The following SLC38A1 variants were observed in gnomAD, a reference collection of about 807,000 sequenced individuals.
SLC38A1 encodes the protein sodium-coupled neutral amino acid symporter 1.
Under a neutral mutation model 60.3 loss-of-function variants are expected in SLC38A1, and 18 were observed. The observed-to-expected ratio is 0.30, with a 90% CI of 0.21 to 0.44. SLC38A1 has a LOEUF of 0.44. Among genes scored for constraint, SLC38A1 ranks in the 20% least tolerant of loss-of-function variants. SLC38A1 has a pLI of 1.00. For synonymous variants in SLC38A1, 196 were observed against 212.1 expected (o/e 0.92, Z 0.66); for missense variants, 448 against 587.2 (o/e 0.76, Z 2.45).
intron 15 of SLC38A1, 50 bp downstream of exon 15, chr12:46,197,869 C>T: frequency 6.2e-7 from 1 of 1,604,326 alleles, no homozygotes; most frequent in Non-Finnish European, 8.5e-7. Flanking sequence ...TGAAAATTTC[C>T]CTGCAAACAG....
At chr12:46,201,548 T>C (rs1939660809) in intron 12 of SLC38A1, among the ~76,000 whole-genome samples, 1 of 152,126 alleles carries the variant, frequency 6.6e-6, no homozygotes, top group East Asian at 1.9e-4. Flanking sequence ...TCAATGCTGT[T>C]CTCCTAGCTC....
Position 46,184,308 on chromosome 12 carries a change from GATTCTC to G in SLC38A1, c.*4656_*4661del, listed in dbSNP as rs1168808373. 1 of 152,132 alleles carries G rather than the reference GATTCTC, an allele frequency of 6.6e-6. No homozygotes were observed. Among genetic ancestry groups the G allele is most frequent in the Non-Finnish European group, 1.5e-5 (1 of 68,028 alleles). 9.4% of individuals were successfully genotyped at this position (152,132 alleles called of 1,614,324 possible). On this transcript the variant is annotated 3_prime_UTR_variant, in exon 17 of 17. Coordinates refer to ENST00000398637, the MANE Select transcript of SLC38A1 (RefSeq NM_030674.4). ...GGGGAAGTATGTCCTGTTGCTAAAGGATTCTCAAACCTGCCATCCCCAAGGAAAATC... is the reference window on the plus strand; with the variant it reads ...GGGGAAGTATGTCCTGTTGCTAAAGGAAACCTGCCATCCCCAAGGAAAATC...
chr12:46,259,121 G>A (rs952614859), intron 1 of SLC38A1, among the ~76,000 whole-genome samples: 7 of 152,120 alleles, frequency 4.6e-5, no homozygotes, highest in African/African-American at 7.2e-5. Context: ...ATTTTACCAC[G>A]CATATGTATA....
At chr12:46,218,186 G>A (rs1592102360) in intron 5 of SLC38A1, among the ~76,000 whole-genome samples, 1 of 152,150 alleles carries the variant, frequency 6.6e-6, no homozygotes, top group East Asian at 1.9e-4. Flanking sequence ...AGTGGGTAGA[G>A]GGCTGTGGGT....
At chr12:46,238,589 C>T (rs571639349) in intron 3 of SLC38A1, among the ~76,000 whole-genome samples, 23 of 152,160 alleles carry the variant, frequency 1.5e-4, no homozygotes, top group Non-Finnish European at 2.5e-4. Flanking sequence ...GAGGCTGTGC[C>T]GCTAACTCCC....
At position 46,186,900 on chromosome 12, in the gene SLC38A1, A is replaced by G. The variant is rs1361332338; in HGVS notation, c.*2070T>C. The G allele has an allele frequency of 1.3e-5, 2 of 152,218 alleles. No homozygotes were observed. The highest frequency in any genetic ancestry group is 4.8e-5 in the African/African-American group (2 of 41,466). 9.4% of individuals were successfully genotyped at this position (152,218 alleles called of 1,614,324 possible). ...ATTATGTATTTTTAAAGGTACAGTC[A>G]TCCCACTACCTGGCTATTTCATTAC... On this transcript the variant is annotated 3_prime_UTR_variant, in exon 17 of 17. Coordinates refer to ENST00000398637, the MANE Select transcript of SLC38A1 (RefSeq NM_030674.4).
At chr12:46,194,298 G>C (rs1416555600) in intron 16 of SLC38A1, among the ~76,000 whole-genome samples, 1 of 152,212 alleles carries the variant, frequency 6.6e-6, no homozygotes, top group Non-Finnish European at 1.5e-5. Flanking sequence ...TCTGCAGAGA[G>C]ATCGGCTGTT....
chr12:46,268,655 C>G lies in SLC38A1; in HGVS notation c.-338G>C, dbSNP rs906126250. 21 of 242,614 alleles carry G rather than the reference C, an allele frequency of 8.7e-5. No individual in the cohort carries two copies. Among genetic ancestry groups the G allele is most frequent in the Middle Eastern group, 2.4e-3 (2 of 836 alleles). 15.0% of individuals were successfully genotyped at this position (242,614 alleles called of 1,614,324 possible). ...GCGGAGGCCGGGAAAATGTGGCCCCCGTCAGTAAGGGTTGGGCAGGGAGCT... is the reference window on the plus strand; with the variant it reads ...GCGGAGGCCGGGAAAATGTGGCCCCGGTCAGTAAGGGTTGGGCAGGGAGCT... On this transcript the variant is annotated 5_prime_UTR_variant, in exon 1 of 17. Coordinates refer to ENST00000398637, the MANE Select transcript of SLC38A1 (RefSeq NM_030674.4). This position sits in a 1 kb window ranked among gnomAD's most constrained non-coding sequence, Gnocchi z 4.4.
chr12:46,224,129 G>A (rs1940772418), intron 5 of SLC38A1, among the ~76,000 whole-genome samples: 2 of 152,130 alleles, frequency 1.3e-5, no homozygotes, highest in South Asian at 4.1e-4. Context: ...AATTCCTTTA[G>A]CATCTATTGC....
At chr12:46,238,896 C>G (rs1429252226) in intron 3 of SLC38A1, among the ~76,000 whole-genome samples, 1 of 152,160 alleles carries the variant, frequency 6.6e-6, no homozygotes, top group African/African-American at 2.4e-5. Flanking sequence ...GTCATTTGGG[C>G]TCAACCATTA....
In SLC38A1 at chr12:46,239,892, C is replaced by A. The variant is rs1941388987; in HGVS notation, c.-92G>T. The A allele has an allele frequency of 1.6e-6, 2 of 1,223,074 alleles. No individual in the cohort carries two copies. Among genetic ancestry groups the A allele is most frequent in the African/African-American group, 1.5e-5 (1 of 65,652 alleles). 75.8% of individuals were successfully genotyped at this position (1,223,074 alleles called of 1,614,324 possible). A position where few individuals can be genotyped will look rare whatever the true frequency, so the allele number is the denominator to read the frequency against. ...AGATACCAAAATGGAAGCTTGACAC[C>A]CCTAAAATATAGCAAAATAAAAAAA... On this transcript the variant is annotated splice_region_variant and 5_prime_UTR_variant, in exon 3 of 17. Coordinates refer to ENST00000398637, the MANE Select transcript of SLC38A1 (RefSeq NM_030674.4).
At chr12:46,264,658 G>C (rs1037435343) in intron 1 of SLC38A1, among the ~76,000 whole-genome samples, 1 of 151,732 alleles carries the variant, frequency 6.6e-6, no homozygotes, top group Non-Finnish European at 1.5e-5. Context: ...AGTGATTTTT[G>C]GTGGTTATAT....
intron 5 of SLC38A1, among the ~76,000 whole-genome samples, chr12:46,218,694 C>T (rs1383231624): frequency 6.6e-6 from 1 of 152,130 alleles, no homozygotes; most frequent in Non-Finnish European, 1.5e-5. Flanking sequence ...GCAGAGTCAG[C>T]TGTGTGGGAG....
At chr12:46,202,770 T>C (rs191736838) in intron 12 of SLC38A1, among the ~76,000 whole-genome samples, 191 of 152,326 alleles carry the variant, frequency 1.3e-3, no homozygotes, top group African/African-American at 4.3e-3. Context: ...AAAGCCCACA[T>C]GGTTGGCTAC....
chr12:46,218,593 T>C (rs986684247), intron 5 of SLC38A1, among the ~76,000 whole-genome samples: 1 of 152,150 alleles, frequency 6.6e-6, no homozygotes, highest in Non-Finnish European at 1.5e-5. Flanking sequence ...ATTTTAGTTT[T>C]GTAGTCGCCC....
chr12:46,267,633 C>G (rs1349382265), intron 1 of SLC38A1: 1 of 152,328 alleles, frequency 6.6e-6, no homozygotes, highest in East Asian at 1.9e-4. Context: ...GGGCAAGGGG[C>G]TCGCACAAGG....
At chr12:46,264,613 T>TA (rs1256656538) in intron 1 of SLC38A1, among the ~76,000 whole-genome samples, 2 of 152,218 alleles carry the variant, frequency 1.3e-5, no homozygotes, top group Non-Finnish European at 2.9e-5. Context: ...TAATTTTACT[T>TA]AAAATTTTTT....
At chr12:46,233,154 G>T (rs950309333) in intron 3 of SLC38A1, among the ~76,000 whole-genome samples, 1 of 152,070 alleles carries the variant, frequency 6.6e-6, no homozygotes, top group Non-Finnish European at 1.5e-5. Context: ...AAGTAGCTGG[G>T]ACTACGGGCA....
At chr12:46,196,219 G>C (rs1311660490) in intron 16 of SLC38A1, 1 of 1,536,076 alleles carries the variant, frequency 6.5e-7, no homozygotes, top group South Asian at 1.2e-5. Flanking sequence ...GCAGGGAGAA[G>C]GATGATGCAT....
Sources: allele counts gnomAD v4.1 joint callset (sites outside exome capture counted in the v4.1 genomes callset), GRCh38; gene constraint gnomAD v4.1.1; non-coding constraint Gnocchi (gnomAD v3.1); transcripts MANE v1.5; gene names NCBI Gene and HGNC (gene_info 2026-07-23, HGNC 2026-07-21).